The following SVIL variants were observed in gnomAD, a reference collection of about 807,000 sequenced individuals.
The protein encoded by SVIL is supervillin, also known as archvillin.
SVIL carries 101 observed loss-of-function variants against 240.4 expected under a neutral mutation model. The ratio of observed to expected loss-of-function variants is 0.42; its 90% confidence interval spans 0.36 to 0.50. SVIL has a LOEUF of 0.50. Ranked by LOEUF, SVIL falls within the 20% of genes least tolerant of loss-of-function variation. The pLI is 0.01. For missense variants in SVIL, 2,512 were observed against 2,818.7 expected (o/e 0.89, Z 2.46); for synonymous variants, 999 against 1,100.0 (o/e 0.91, Z 1.82).
chr10:29,472,204 C>G (rs1177161879), intron 30 of SVIL, among the ~76,000 whole-genome samples: 4 of 152,148 alleles, frequency 2.6e-5, no homozygotes, highest in African/African-American at 9.7e-5. Flanking sequence ...ACTCAAAACT[C>G]TGAGGATGAT....
intron 2 of SVIL, among the ~76,000 whole-genome samples, chr10:29,682,976 G>T (rs1960781638): frequency 6.6e-6 from 1 of 152,188 alleles, no homozygotes; most frequent in African/African-American, 2.4e-5. Flanking sequence ...CATTTGAAGA[G>T]ATTTATTCTG....
chr10:29,625,527 G>A (rs1250079662), intron 1 of SVIL, among the ~76,000 whole-genome samples: 5 of 151,982 alleles, frequency 3.3e-5, no homozygotes, highest in African/African-American at 1.2e-4. Flanking sequence ...GCAGCGGCGC[G>A]ATCTCTGCTC....
chr10:29,700,214 T>C (rs571313477), intron 1 of SVIL, among the ~76,000 whole-genome samples: 33 of 152,320 alleles, frequency 2.2e-4, no homozygotes, highest in African/African-American at 7.9e-4. Flanking sequence ...TGTTTACATA[T>C]GATGGAATGC....
chr10:29,724,890 C>T (rs1964202316), intron 1 of SVIL, among the ~76,000 whole-genome samples: 1 of 151,948 alleles, frequency 6.6e-6, no homozygotes, highest in African/African-American at 2.4e-5. Flanking sequence ...GGTGTGGTGG[C>T]ACATGCCTGT....
intron 14 of SVIL, among the ~76,000 whole-genome samples, 193 bp from the exon 15 acceptor site, chr10:29,524,220 G>C (rs980083608): frequency 2.0e-5 from 3 of 152,036 alleles, no homozygotes; most frequent in Non-Finnish European, 4.4e-5. Flanking sequence ...AAACACAGTT[G>C]GGCATACTAT....
At chr10:29,514,582 A>G (rs1274091926) in intron 16 of SVIL, among the ~76,000 whole-genome samples, 1 of 152,078 alleles carries the variant, frequency 6.6e-6, no homozygotes, top group Non-Finnish European at 1.5e-5. Context: ...GGTGCTTGCT[A>G]TGTTGCCCAG....
intron 17 of SVIL, among the ~76,000 whole-genome samples, chr10:29,506,673 GGCCCT>G (rs1949321867): frequency 7.3e-6 from 1 of 137,792 alleles, no homozygotes; most frequent in Non-Finnish European, 1.6e-5. Flanking sequence ...AGGGGACAGA[GGCCCT>G]ATGAGGGAGG....
intron 1 of SVIL, among the ~76,000 whole-genome samples, chr10:29,622,287 ACACTGAAGGT>A (rs1187399905): frequency 6.6e-6 from 1 of 150,712 alleles, no homozygotes; most frequent in African/African-American, 2.4e-5. Flanking sequence ...AACCTTGGAA[ACACTGAAGGT>A]CAATCTCTCG....
chr10:29,710,703 T>C (rs955787480), intron 1 of SVIL, among the ~76,000 whole-genome samples: 1 of 152,176 alleles, frequency 6.6e-6, no homozygotes, highest in Non-Finnish European at 1.5e-5. Context: ...GCAAGATTTT[T>C]GAAGGTTAAA....
intron 18 of SVIL, 60 bp downstream of exon 18, chr10:29,499,056 A>G (rs1564522600): frequency 6.3e-7 from 1 of 1,581,786 alleles, no homozygotes; most frequent in Non-Finnish European, 8.6e-7. Context: ...CTCCATGGGT[A>G]AGTGTGCTCA....
intron 1 of SVIL, among the ~76,000 whole-genome samples, chr10:29,700,620 G>A (rs1227996449): frequency 3.3e-5 from 5 of 151,820 alleles, no homozygotes; most frequent in African/African-American, 9.7e-5. Flanking sequence ...ACAGGCGCCC[G>A]CCACCACACC....
chr10:29,726,353 AG>A (rs1353772202), intron 1 of SVIL, among the ~76,000 whole-genome samples: 1 of 152,208 alleles, frequency 6.6e-6, no homozygotes, highest in African/African-American at 2.4e-5. Flanking sequence ...TTATGGCAAA[AG>A]CTTTAGGACC....
chr10:29,651,106 C>T (rs532693234), intron 3 of SVIL, among the ~76,000 whole-genome samples: 31 of 152,126 alleles, frequency 2.0e-4, no homozygotes, highest in Admixed American at 5.2e-4. Context: ...GAATGGCACT[C>T]TTCTCCGAAC....
At chr10:29,567,120 G>A (rs73596053) in intron 2 of SVIL, among the ~76,000 whole-genome samples, 2,751 of 152,074 alleles carry the variant, frequency 0.018, 85 homozygotes, top group African/African-American at 0.063. Flanking sequence ...TGTTTGTGCC[G>A]CCACCCCCCT....
chr10:29,543,385 T>C (rs1049220682), intron 6 of SVIL, among the ~76,000 whole-genome samples: 1 of 152,200 alleles, frequency 6.6e-6, no homozygotes, highest in African/African-American at 2.4e-5. Context: ...TGCCTACCTA[T>C]GCTATTGGCA....
At chr10:29,703,341 G>GC (rs201085902) in intron 1 of SVIL, among the ~76,000 whole-genome samples, 2,433 of 152,286 alleles carry the variant, frequency 0.016, 27 homozygotes, top group Non-Finnish European at 0.026. Context: ...CCCCAGACCA[G>GC]CCCCCCACTG....
chr10:29,706,604 C>T (rs1389751807), intron 1 of SVIL, among the ~76,000 whole-genome samples: 1 of 152,062 alleles, frequency 6.6e-6, no homozygotes, highest in Non-Finnish European at 1.5e-5. Context: ...CTGTGGGTTG[C>T]CTGTTCACTC....
chr10:29,609,698 A>T (rs1957166659), intron 1 of SVIL, among the ~76,000 whole-genome samples: 1 of 152,218 alleles, frequency 6.6e-6, no homozygotes, highest in Admixed American at 6.5e-5. Flanking sequence ...CACTTGTGGC[A>T]CATCTGGTCC....
At chr10:29,558,734 G>A (rs1941282818) in intron 3 of SVIL, among the ~76,000 whole-genome samples, 1 of 151,362 alleles carries the variant, frequency 6.6e-6, no homozygotes, top group Non-Finnish European at 1.5e-5. Flanking sequence ...TGAGACTAGT[G>A]TGGCTAACAT....
Sources: allele counts gnomAD v4.1 joint callset (sites outside exome capture counted in the v4.1 genomes callset), GRCh38; gene constraint gnomAD v4.1.1; transcripts MANE v1.5; gene names NCBI Gene and HGNC (gene_info 2026-07-23, HGNC 2026-07-21).